The following FRMPD4 variants were observed in gnomAD, a reference collection of about 807,000 sequenced individuals.
FRMPD4 encodes the protein FERM and PDZ domain containing 4.
FRMPD4 carries 22 observed loss-of-function variants against 94.1 expected under a neutral mutation model. That is an observed-to-expected ratio of 0.23 (90% CI 0.17 to 0.33). FRMPD4 has a LOEUF of 0.33. Among genes scored for constraint, FRMPD4 ranks in the 10% least tolerant of loss-of-function variants. The pLI is 1.00. For missense variants in FRMPD4, 1,111 were observed against 1,339.9 expected (o/e 0.83, Z 2.67); for synonymous variants, 631 against 548.6 (o/e 1.15, Z -2.10).
At chrX:12,462,962 C>G (rs971571559) in intron 1 of FRMPD4, among the ~76,000 whole-genome samples, 1 of 111,792 alleles carries the variant, frequency 8.9e-6, no homozygotes, top group Non-Finnish European at 1.9e-5. Flanking sequence ...GCACTCCAGC[C>G]TGGGCAACAC....
chrX:11,878,363 A>G (rs1477274376), intron 3 of FRMPD4, among the ~76,000 whole-genome samples: 1 of 112,116 alleles, frequency 8.9e-6, no homozygotes, highest in Admixed American at 9.5e-5. Flanking sequence ...CTATGGTATT[A>G]TAATAGGCTA....
chrX:11,978,154 C>T (rs2054376933), intron 3 of FRMPD4, among the ~76,000 whole-genome samples: 1 of 107,934 alleles, frequency 9.3e-6, no homozygotes, highest in Admixed American at 1.0e-4. Context: ...AACCCCATCT[C>T]TACTAAAAAT....
intron 1 of FRMPD4, among the ~76,000 whole-genome samples, chrX:12,293,436 C>G (rs2054719731): frequency 8.9e-6 from 1 of 112,684 alleles, no homozygotes; most frequent in Admixed American, 9.4e-5. Flanking sequence ...TTTTAATACT[C>G]ACAGAAACAC....
At chrX:12,342,942 G>C (rs917205117) in intron 1 of FRMPD4, among the ~76,000 whole-genome samples, 8 of 112,182 alleles carry the variant, frequency 7.1e-5, no homozygotes, top group Non-Finnish European at 1.5e-4. Context: ...AAGAGGTAGA[G>C]CTGGGATTCA....
At chrX:11,956,939 C>T (rs151266410) in intron 3 of FRMPD4, among the ~76,000 whole-genome samples, 68 of 111,935 alleles carry the variant, frequency 6.1e-4, no homozygotes, top group African/African-American at 2.1e-3. Flanking sequence ...GGCTGGCTTA[C>T]AATCACAGTA....
intron 3 of FRMPD4, among the ~76,000 whole-genome samples, chrX:11,899,430 C>CT (rs2053921954): frequency 9.4e-6 from 1 of 106,853 alleles, no homozygotes; most frequent in South Asian, 4.1e-4. Context: ...GCCAACCTCC[C>CT]TTTCATTTAT....
intron 1 of FRMPD4, among the ~76,000 whole-genome samples, chrX:12,202,088 T>C (rs2056637484): frequency 9.0e-6 from 1 of 111,016 alleles, no homozygotes; most frequent in Admixed American, 9.6e-5. Context: ...GGATGCCAGA[T>C]TTTTCTTGTA....
intron 1 of FRMPD4, among the ~76,000 whole-genome samples, chrX:12,274,483 A>G (rs1181232799): frequency 1.8e-5 from 2 of 112,636 alleles, no homozygotes; most frequent in Non-Finnish European, 1.9e-5. Flanking sequence ...AAAGCAAAGA[A>G]ACAACATGTT....
chrX:12,109,577 G>A (rs1412414804), intron 3 of FRMPD4, among the ~76,000 whole-genome samples: 1 of 111,702 alleles, frequency 9.0e-6, no homozygotes, highest in African/African-American at 3.3e-5. Context: ...TAAGATCAGA[G>A]CAGAACTGAA....
At chrX:12,137,850 A>C (rs1281057279), upstream of FRMPD4, among the ~76,000 whole-genome samples, 1 of 111,694 alleles carries the variant, frequency 9.0e-6, no homozygotes, top group African/African-American at 3.3e-5. Flanking sequence ...CCTTCACCCA[A>C]GGCTCAGTGT....
Position 12,547,670 on chromosome X carries a change from A to T in FRMPD4, c.158+48874A>T, listed in dbSNP as rs2058492910. On this transcript the variant is annotated intron_variant, in intron 2 of 16. Transcript: ENST00000675598. ...ATTCCACTAATTTACAAGAATGCTT[A>T]AACAAAAAATACTTTAATTATTAAT... 2.7e-5 allele frequency among the ~76,000 whole-genome samples: 3 copies of T among 112,457 alleles called. No individual in the cohort carries two copies. In the Admixed American group the frequency reaches 2.8e-4, roughly 11 times the overall value.
intron 3 of FRMPD4, among the ~76,000 whole-genome samples, chrX:11,925,712 A>T (rs1440681883): frequency 2.7e-5 from 3 of 112,148 alleles, no homozygotes; most frequent in Admixed American, 1.9e-4. Context: ...TAATGAGAAA[A>T]AAGATACAAC....
At chrX:12,678,641 C>A (rs1436561982) in intron 5 of FRMPD4, among the ~76,000 whole-genome samples, 4 of 111,788 alleles carry the variant, frequency 3.6e-5, no homozygotes, top group Non-Finnish European at 7.5e-5. Context: ...GCCTGATCAA[C>A]ATGGAGAAAC....
At chrX:12,694,560 CCT>C (rs1268749516) in intron 9 of FRMPD4, 106 bp downstream of exon 9, 2 of 557,445 alleles carry the variant, frequency 3.6e-6, no homozygotes, top group Admixed American at 3.0e-5. Flanking sequence ...TTGTCCCCCA[CCT>C]CAAGCTCAGT....
chrX:12,490,437 G>A (rs774632861), intron 1 of FRMPD4, among the ~76,000 whole-genome samples: 3 of 111,759 alleles, frequency 2.7e-5, no homozygotes, highest in East Asian at 2.8e-4. Flanking sequence ...TTTATTTTAC[G>A]TGTCAATAAC....
intron 3 of FRMPD4, among the ~76,000 whole-genome samples, chrX:11,922,936 C>T (rs1277355034): frequency 8.9e-6 from 1 of 112,826 alleles, no homozygotes; most frequent in African/African-American, 3.2e-5. Context: ...TCTCCTGGGG[C>T]CCCAGCCAGG....
At chrX:11,969,566 G>T (rs1007788135) in intron 3 of FRMPD4, among the ~76,000 whole-genome samples, 1 of 111,585 alleles carries the variant, frequency 9.0e-6, no homozygotes, top group Non-Finnish European at 1.9e-5. Context: ...TTGGAAATTG[G>T]GTTTAAGTTG....
intron 1 of FRMPD4, among the ~76,000 whole-genome samples, chrX:12,421,032 A>G (rs752413206): frequency 3.6e-5 from 4 of 112,594 alleles, no homozygotes; most frequent in Non-Finnish European, 7.5e-5. Flanking sequence ...ACAAAAATAT[A>G]GCATTTATAG....
chrX:12,715,414 C>T (rs1456720831), intron 14 of FRMPD4, among the ~76,000 whole-genome samples: 3 of 111,075 alleles, frequency 2.7e-5, no homozygotes, highest in African/African-American at 9.8e-5. Flanking sequence ...GCATTTTATA[C>T]ACACACACAC....
Sources: allele counts gnomAD v4.1 joint callset (sites outside exome capture counted in the v4.1 genomes callset), GRCh38; gene constraint gnomAD v4.1.1; transcripts MANE v1.5; gene names NCBI Gene and HGNC (gene_info 2026-07-23, HGNC 2026-07-21).